Variants in AXDND1 observed in about 807,000 individuals in gnomAD.
AXDND1 encodes axonemal dynein light chain domain containing 1, also known as axonemal dynein light chain domain-containing protein 1.
A neutral mutation model predicts 137.5 loss-of-function variants in AXDND1; 110 were observed. That is an observed-to-expected ratio of 0.80 (90% confidence interval 0.69 to 0.94). The LOEUF (loss-of-function observed/expected upper bound fraction) is 0.94, where lower values mean the gene tolerates loss of function less well. Among genes scored for constraint, AXDND1 ranks in the 40% least tolerant of loss-of-function variants. The pLI is 0.00. For synonymous variants in AXDND1, 414 were observed against 399.7 expected (o/e 1.04, Z -0.43); for missense variants, 1,191 against 1,169.8 (o/e 1.02, Z -0.26).
chr1:179,381,580 G>C (rs563493859), intron 6 of AXDND1, among the ~76,000 whole-genome samples: 38 of 151,482 alleles, frequency 2.5e-4, no homozygotes, highest in African/African-American at 9.2e-4. Flanking sequence ...CGGACCTCAG[G>C]TGACCCACCC....
At chr1:179,462,447 C>T (rs1013048862) in intron 16 of AXDND1, among the ~76,000 whole-genome samples, 3 of 151,972 alleles carry the variant, frequency 2.0e-5, no homozygotes, top group African/African-American at 7.3e-5. Flanking sequence ...ATTCGGTTTG[C>T]CAGTATTTTA....
chr1:179,533,709 A>G, intron 23 of AXDND1, 86 bp from the exon 24 acceptor site: 1 of 1,017,132 alleles, frequency 9.8e-7, no homozygotes, highest in Non-Finnish European at 1.5e-6. Flanking sequence ...AATATTCTAG[A>G]AGGTTTGATC....
chr1:179,528,815 C>T, intron 23 of AXDND1, among the ~76,000 whole-genome samples: 1 of 152,030 alleles, frequency 6.6e-6, no homozygotes, highest in Non-Finnish European at 1.5e-5. Context: ...TGGTCTCAAT[C>T]TCCCGACCTC....
chr1:179,448,495 A>T, intron 16 of AXDND1: 1 of 393,072 alleles, frequency 2.5e-6, no homozygotes, highest in South Asian at 2.5e-5. Flanking sequence ...ATAAAAGTTA[A>T]TTTTCTTCAA....
intron 16 of AXDND1, chr1:179,448,056 C>T: frequency 8.4e-7 from 1 of 1,193,176 alleles, no homozygotes; most frequent in Non-Finnish European, 1.2e-6. Flanking sequence ...TCTGAGGTGG[C>T]AAACCAGGTG....
At chr1:179,445,323 G>A (rs1659582150) in intron 16 of AXDND1, 119 bp downstream of exon 16, 2 of 693,074 alleles carry the variant, frequency 2.9e-6, no homozygotes, top group Admixed American at 3.3e-5. Flanking sequence ...TAAAAACCAA[G>A]CAAAATAAGC....
chr1:179,490,084 C>T (rs903917748), intron 18 of AXDND1, among the ~76,000 whole-genome samples: 7 of 152,160 alleles, frequency 4.6e-5, no homozygotes, highest in African/African-American at 7.2e-5. Context: ...ATTCAAGAAA[C>T]ATTTACTAAG....
chr1:179,506,645 A>G (rs1231062393), intron 20 of AXDND1, among the ~76,000 whole-genome samples: 1 of 152,094 alleles, frequency 6.6e-6, no homozygotes, highest in Non-Finnish European at 1.5e-5. Context: ...TAGGAGGATC[A>G]TTTGAGCCTA....
intron 21 of AXDND1, among the ~76,000 whole-genome samples, chr1:179,523,607 A>G (rs2125681119): frequency 6.6e-6 from 1 of 152,274 alleles, no homozygotes; most frequent in Non-Finnish European, 1.5e-5. Flanking sequence ...TATTCTGGAC[A>G]TGTCATGTAA....
intron 25 of AXDND1, among the ~76,000 whole-genome samples, chr1:179,539,843 G>C (rs534409044): frequency 4.6e-5 from 7 of 151,846 alleles, no homozygotes; most frequent in African/African-American, 1.7e-4. Flanking sequence ...ACGTAGATTC[G>C]GTCTTTTCAC....
At chr1:179,371,048 G>C (rs1183915704) in intron 4 of AXDND1, among the ~76,000 whole-genome samples, 3 of 152,038 alleles carry the variant, frequency 2.0e-5, no homozygotes, top group African/African-American at 7.2e-5. Flanking sequence ...TATAATTATT[G>C]GTAGCAATAA....
chr1:179,394,592 A>AATAAAATAAAATAAAATAAAATAAAAT (rs1650732424), intron 10 of AXDND1, among the ~76,000 whole-genome samples: 1 of 135,808 alleles, frequency 7.4e-6, no homozygotes, highest in African/African-American at 2.7e-5. Context: ...CCTGTCTCAG[A>AATAAAATAAAATAAAATAAAATAAAAT]AAAATAAAAT....
intron 9 of AXDND1, among the ~76,000 whole-genome samples, chr1:179,393,467 T>C (rs911314070): frequency 1.3e-5 from 2 of 150,720 alleles, no homozygotes; most frequent in Non-Finnish European, 3.0e-5. Flanking sequence ...TTTGGTTCCA[T>C]ATGAATTTTA....
At chr1:179,411,328 T>C in intron 12 of AXDND1, 62 bp downstream of exon 12, 1 of 1,523,736 alleles carries the variant, frequency 6.6e-7, no homozygotes, top group East Asian at 2.4e-5. Flanking sequence ...TTCTACAGTT[T>C]TAAAATTTGT....
chr1:179,399,632 AACAG>A (rs1239757190), intron 11 of AXDND1, among the ~76,000 whole-genome samples: 4 of 152,368 alleles, frequency 2.6e-5, no homozygotes, highest in South Asian at 2.1e-4. Context: ...CAGCAGAGTA[AACAG>A]ACAGCCCACA....
At chr1:179,400,170 C>T (rs968550408) in intron 11 of AXDND1, among the ~76,000 whole-genome samples, 1 of 152,130 alleles carries the variant, frequency 6.6e-6, no homozygotes, top group South Asian at 2.1e-4. Context: ...GTAGAACCAA[C>T]CCAAATGCCC....
intron 16 of AXDND1, chr1:179,455,295 TA>T (rs1323767767): frequency 0.22 from 11,395 of 52,438 alleles, 723 homozygotes; most frequent in African/African-American, 0.29. Flanking sequence ...AAAAAAAAAG[TA>T]AAAAAAAAAA....
At chr1:179,493,050 G>A in intron 20 of AXDND1, 99 bp downstream of exon 20, 1 of 783,454 alleles carries the variant, frequency 1.3e-6, no homozygotes, top group Non-Finnish European at 2.0e-6. Context: ...CATATTTAAA[G>A]AATACAATCT....
rs578102722 is a variant in AXDND1, at chr1:179,457,515, C to T, written c.1799-10928C>T. Among the ~76,000 whole-genome samples the T allele has an allele frequency of 2.6e-5, 4 of 152,302 alleles. No individual in the cohort carries two copies. The East Asian group carries it at 7.7e-4, about 29-fold the overall frequency. On this transcript the variant is annotated intron_variant, in intron 16 of 25. Coordinates refer to ENST00000367618, the MANE Select transcript of AXDND1 (RefSeq NM_144696.6). ...TGTTCTTAGTTTAGCTTCCCCCATA[C>T]TTTGTGTTATTTTTGTTTGTGTTTC...
Sources: gnomAD v4.1 joint callset for allele counts (sites outside exome capture counted in the v4.1 genomes callset) on GRCh38, gnomAD v4.1.1 for gene constraint, MANE v1.5 for transcripts, NCBI Gene and HGNC (gene_info 2026-07-23, HGNC 2026-07-21) for gene names.